ERG: variants seen among roughly 807,000 people sequenced by gnomAD.
The protein encoded by ERG is ETS transcription factor ERG.
ERG carries 9 observed loss-of-function variants against 55.3 expected under a neutral mutation model. That is an observed-to-expected ratio of 0.16 (90% CI 0.10 to 0.28). The LOEUF (loss-of-function observed/expected upper bound fraction) is 0.28, where lower values mean the gene tolerates loss of function less well. Among genes scored for constraint, ERG ranks in the 10% least tolerant of loss-of-function variants. ERG has a pLI of 1.00. For synonymous variants in ERG, 223 were observed against 237.3 expected (o/e 0.94, Z 0.55); for missense variants, 434 against 631.6 (o/e 0.69, Z 3.35).
intron 1 of ERG, among the ~76,000 whole-genome samples, chr21:38,626,593 A>C (rs1474763613): frequency 6.6e-6 from 1 of 152,200 alleles, no homozygotes; most frequent in Non-Finnish European, 1.5e-5. Context: ...TTATATGAAA[A>C]TCTGAGAAAA....
intron 1 of ERG, among the ~76,000 whole-genome samples, chr21:38,448,603 T>C (rs143196534): frequency 8.5e-5 from 13 of 152,282 alleles, no homozygotes; most frequent in Admixed American, 1.3e-4. Flanking sequence ...ATACACATTT[T>C]GGGAGTAAGA....
intron 2 of ERG, among the ~76,000 whole-genome samples, chr21:38,537,116 T>C (rs1485053394): frequency 6.6e-6 from 1 of 152,108 alleles, no homozygotes; most frequent in Admixed American, 6.6e-5. Flanking sequence ...AAGAAAAAAG[T>C]TGGGCTCTTA....
At chr21:38,486,943 G>C (rs541290563) in intron 1 of ERG, among the ~76,000 whole-genome samples, 10 of 152,280 alleles carry the variant, frequency 6.6e-5, no homozygotes, top group Non-Finnish European at 1.3e-4. Flanking sequence ...CCAAGAAGTA[G>C]GAGTTATTAT....
At chr21:38,476,458 CCACA>C (rs1461265153) in intron 1 of ERG, among the ~76,000 whole-genome samples, 1 of 152,192 alleles carries the variant, frequency 6.6e-6, no homozygotes, top group African/African-American at 2.4e-5. Context: ...CATTGTTTCA[CCACA>C]TACCAGCATT....
At chr21:38,404,861 T>G (rs1988686539) in intron 3 of ERG, among the ~76,000 whole-genome samples, 1 of 152,182 alleles carries the variant, frequency 6.6e-6, no homozygotes, top group South Asian at 2.1e-4. Context: ...ACTAATATTT[T>G]AGGCTACTCA....
intron 1 of ERG, among the ~76,000 whole-genome samples, chr21:38,479,568 T>A (rs2059218645): frequency 6.6e-6 from 1 of 151,996 alleles, no homozygotes; most frequent in African/African-American, 2.4e-5. Context: ...AAGAAGAAGG[T>A]CGTGGGATGA....
At chr21:38,590,916 A>C (rs868524872) in intron 1 of ERG, among the ~76,000 whole-genome samples, 3 of 152,224 alleles carry the variant, frequency 2.0e-5, no homozygotes, top group Non-Finnish European at 4.4e-5. Flanking sequence ...TCAGCTGGAG[A>C]GCTTTTTAAA....
chr21:38,648,965 A>C (rs1416199859), intron 1 of ERG, among the ~76,000 whole-genome samples: 4 of 152,168 alleles, frequency 2.6e-5, no homozygotes, highest in Non-Finnish European at 5.9e-5. Context: ...ACAGTGAGGA[A>C]GGGGCATTGC....
Position 38,383,328 on chromosome 21 carries a change from A to T in ERG, c.*75T>A. On this transcript the variant is annotated 3_prime_UTR_variant, in exon 10 of 10. Transcript: ENST00000288319. The surrounding 1 kb of genome is among the most constrained non-coding windows in gnomAD (Gnocchi z 5.7). The stretch of plus-strand genomic sequence containing the variant: ...TTTCATTCCTCTTGAGGCACTTTTG[A>T]TTCATGTTCTCCGATAGAGTTTGTG... 1 of 1,364,340 alleles carries T rather than the reference A, an allele frequency of 7.3e-7. No individual in the cohort carries two copies. The highest frequency in any genetic ancestry group is 9.5e-7 in the Non-Finnish European group (1 of 1,052,430). 84.5% of individuals were successfully genotyped at this position (1,364,340 alleles called of 1,614,324 possible). A position where few individuals can be genotyped will look rare whatever the true frequency, so the allele number is the denominator to read the frequency against.
the ERG span, among the ~76,000 whole-genome samples, chr21:38,373,823 C>T: frequency 6.6e-6 from 1 of 152,114 alleles, no homozygotes; most frequent in Non-Finnish European, 1.5e-5. Context: ...TTTCTGTCTT[C>T]AAGATTTTTT....
chr21:38,497,636 G>A (rs2059390382), intron 1 of ERG, among the ~76,000 whole-genome samples: 1 of 152,108 alleles, frequency 6.6e-6, no homozygotes, highest in Admixed American at 6.6e-5. Flanking sequence ...AAAAACTTAG[G>A]CAAGGAAATG....
intron 3 of ERG, among the ~76,000 whole-genome samples, chr21:38,418,513 T>C (rs1989386671): frequency 6.6e-6 from 1 of 152,180 alleles, no homozygotes; most frequent in Non-Finnish European, 1.5e-5. Flanking sequence ...CTTGAACTCC[T>C]TGGCCTCCCA....
In ERG at chr21:38,381,023, C is replaced by T. The variant is rs540778201; in HGVS notation, c.*2380G>A. The stretch of plus-strand genomic sequence containing the variant: ...TTTATTTATTTTCCCTAAGGAGATA[C>T]GGGCACTTTGTGGGCCTTCCCAGGC... On this transcript the variant is annotated 3_prime_UTR_variant, in exon 10 of 10. Transcript: ENST00000288319. The T allele has an allele frequency of 4.0e-5, 43 of 1,064,250 alleles. No individual in the cohort carries two copies. In the South Asian group the frequency reaches 1.6e-3, roughly 39 times the overall value. The allele number at this position is 1,064,250 out of a possible 1,614,324, so 65.9% of individuals were successfully genotyped here.
chr21:38,543,484 A>G (rs759299064), intron 2 of ERG, among the ~76,000 whole-genome samples: 4 of 152,032 alleles, frequency 2.6e-5, no homozygotes, highest in Non-Finnish European at 5.9e-5. Flanking sequence ...AGTTATCTAC[A>G]ATGGGCATAT....
intron 1 of ERG, among the ~76,000 whole-genome samples, chr21:38,633,262 A>C (rs1462362491): frequency 6.6e-6 from 1 of 152,220 alleles, no homozygotes; most frequent in Non-Finnish European, 1.5e-5. Context: ...CTGAGTGTAG[A>C]GTTTCAGATT....
chr21:38,613,942 C>T (rs2060243886), intron 1 of ERG, among the ~76,000 whole-genome samples: 1 of 152,184 alleles, frequency 6.6e-6, no homozygotes, highest in African/African-American at 2.4e-5. Context: ...GGCCTCATCC[C>T]TTGCATCCCA....
At chr21:38,598,213 G>A (rs976677057) in intron 1 of ERG, among the ~76,000 whole-genome samples, 4 of 152,230 alleles carry the variant, frequency 2.6e-5, no homozygotes, top group Admixed American at 6.5e-5. Context: ...CTGTCAGGCT[G>A]CAGAGGTGAT....
chr21:38,486,479 G>A (rs1013232351), intron 1 of ERG, among the ~76,000 whole-genome samples: 7 of 152,082 alleles, frequency 4.6e-5, no homozygotes, highest in African/African-American at 1.2e-4. Context: ...AGAACTGACC[G>A]GGCATGGTGA....
chr21:38,616,334 G>T (rs1325796151), intron 1 of ERG, among the ~76,000 whole-genome samples: 1 of 152,066 alleles, frequency 6.6e-6, no homozygotes, highest in Non-Finnish European at 1.5e-5. Flanking sequence ...TGATCATTGG[G>T]ATTCCTCTGT....
Sources: allele counts gnomAD v4.1 joint callset (sites outside exome capture counted in the v4.1 genomes callset), GRCh38; gene constraint gnomAD v4.1.1; non-coding constraint Gnocchi (gnomAD v3.1); transcripts MANE v1.5; gene names NCBI Gene and HGNC (gene_info 2026-07-23, HGNC 2026-07-21).